Variants in GTF3C1 observed in about 807,000 individuals in gnomAD.
GTF3C1 encodes general transcription factor 3C polypeptide 1.
In GTF3C1, 57 loss-of-function variants were observed where a neutral mutation model predicts 226.7. The observed-to-expected ratio is 0.25, with a 90% CI of 0.20 to 0.31. The LOEUF (loss-of-function observed/expected upper bound fraction) is 0.31, where lower values mean the gene tolerates loss of function less well. GTF3C1 is among the 10% of genes least tolerant of loss of function. The probability of loss-of-function intolerance (pLI) is 1.00; values close to 1 mark genes in which losing one functional copy is unlikely to be tolerated. For synonymous variants in GTF3C1, 1,090 were observed against 1,084.8 expected (o/e 1.00, Z -0.09); for missense variants, 2,217 against 2,776.1 (o/e 0.80, Z 4.53).
chr16:27,488,580 T>C lies in GTF3C1; in HGVS notation c.3485A>G (p.Lys1162Arg), dbSNP rs919904043. The change falls in exon 22 of 37, where the codon AAG becomes AGG. Residue 1162 changes from lysine (K) to arginine (R), a missense_variant. Coordinates refer to ENST00000356183, the MANE Select transcript of GTF3C1 (RefSeq NM_001520.4). ...LTVRLQTFLS[K>R]RPMPLSARGN... is the part of the protein sequence containing the mutation. ...TCTGGCACTGAGGGGCATTGGGCGCTTGGACAGAAATGTCTGGAGCCTCAC... is the reference window on the plus strand; with the variant it reads ...TCTGGCACTGAGGGGCATTGGGCGCCTGGACAGAAATGTCTGGAGCCTCAC... The C allele has an allele frequency of 1.2e-6, 2 of 1,613,990 alleles. No individual in the cohort carries two copies. The highest frequency in any genetic ancestry group is 2.7e-5 in the African/African-American group (2 of 74,936).
intron 6 of GTF3C1, 58 bp from the exon 7 acceptor site, chr16:27,511,959 G>T: frequency 6.3e-7 from 1 of 1,586,498 alleles, no homozygotes; most frequent in South Asian, 1.1e-5. Context: ...GCGTGGGGGA[G>T]GTGAGGGGTT....
chr16:27,530,172 G>A lies in GTF3C1; in HGVS notation c.850-1451C>T, dbSNP rs180684925. 3.5e-4 allele frequency among the ~76,000 whole-genome samples: 53 copies of A among 152,316 alleles called. 1 individual carries two copies. Among genetic ancestry groups the A allele is most frequent in the African/African-American group, 1.1e-3 (46 of 41,560 alleles). On this transcript the variant is annotated intron_variant, in intron 5 of 36. Transcript: ENST00000356183. ...TCTGTGGGCTGCCGCCGCCACATAT[G>A]TGTGGTTACCTCCCAGGCTAACCAG...
rs1242390889 is a variant in GTF3C1 at position 27,528,705 on chromosome 16, G to A, written c.866C>T (p.Thr289Met). Residue 289 changes from threonine to methionine, a missense_variant, in exon 6 of 37, where the codon ACG becomes ATG. Around this residue, in one of 12 missense-constraint regions of GTF3C1, gnomAD observed 163 missense variants for 234.3 expected, o/e 0.70. Coordinates refer to ENST00000356183, the MANE Select transcript of GTF3C1 (RefSeq NM_001520.4). ...CATATACTGGTACAGACGCTTAAACGTCCTTTCGCACAGCCCCTGCCAAAA... is the reference window on the plus strand; with the variant it reads ...CATATACTGGTACAGACGCTTAAACATCCTTTCGCACAGCCCCTGCCAAAA... ...LREELGLCER[T>M]FKRLYQYMLN... The A allele has an allele frequency of 6.2e-7, 1 of 1,613,630 alleles. No homozygotes were observed. Among genetic ancestry groups the A allele is most frequent in the Non-Finnish European group, 8.5e-7 (1 of 1,179,528 alleles).
chr16:27,465,996 G>A lies in GTF3C1; in HGVS notation c.5075-456C>T, dbSNP rs114799261. On this transcript the variant is annotated intron_variant, in intron 32 of 36. Coordinates refer to ENST00000356183, the MANE Select transcript of GTF3C1 (RefSeq NM_001520.4). ...CCCTACTTTTGCCTACACTAGCCAGGGCTGGCTACTGTTGCTTCCTATAGA... is the reference window on the plus strand; with the variant it reads ...CCCTACTTTTGCCTACACTAGCCAGAGCTGGCTACTGTTGCTTCCTATAGA... 1,225 of 174,548 alleles carry A rather than the reference G, an allele frequency of 7.0e-3. 16 individuals carry two copies. Among genetic ancestry groups the A allele is most frequent in the African/African-American group, 0.027 (1,148 of 42,550 alleles). The allele number at this position is 174,548 out of a possible 1,614,324, so 10.8% of individuals were successfully genotyped here. A position where few individuals can be genotyped will look rare whatever the true frequency, so the allele number is the denominator to read the frequency against.
chr16:27,473,609 G>A (rs1320607044), intron 29 of GTF3C1, among the ~76,000 whole-genome samples: 1 of 152,262 alleles, frequency 6.6e-6, no homozygotes, highest in East Asian at 1.9e-4. Context: ...TCAGAGGAGA[G>A]AAGAGCAACC....
At chr16:27,542,567 G>GA (rs143747018) in intron 2 of GTF3C1, among the ~76,000 whole-genome samples, 22,092 of 135,976 alleles carry the variant, frequency 0.16, 1,646 homozygotes, top group Admixed American at 0.23. Flanking sequence ...GCCTCAAAAA[G>GA]AAAAAAAAAA....
In GTF3C1 at chr16:27,492,670, A is replaced by G; in HGVS notation, c.2920T>C (p.Tyr974His). 6.2e-7 allele frequency: 1 copy of G among 1,607,902 alleles called. No individual in the cohort carries two copies. The highest frequency in any genetic ancestry group is 1.1e-5 in the South Asian group (1 of 90,928). The change falls in exon 18 of 37, where the codon TAC (tyrosine) becomes CAC (histidine). Residue 974 changes from tyrosine to histidine, a missense_variant. Physicochemically the swap from Tyr to His is moderately conservative, Grantham distance 83. This residue lies in a region of GTF3C1 where 353 missense variants were observed against 411.7 expected (regional missense o/e 0.86). Transcript: ENST00000356183. This position sits in a 1 kb window ranked among gnomAD's most constrained non-coding sequence, Gnocchi z 5.0. ...SVVENLQRLC[Y>H]MGLLQFGPTE... ...GGACCAAACTGTAGCAGCCCCATGT[A>G]GCACAGCCTCTGAAGGTTCTCCACC... is the stretch of plus-strand genomic sequence containing the variant.
At chr16:27,547,446 C>A (rs763861784) in intron 1 of GTF3C1, among the ~76,000 whole-genome samples, 19 of 152,032 alleles carry the variant, frequency 1.2e-4, no homozygotes, top group African/African-American at 4.3e-4. Context: ...GACTCAACCC[C>A]CACGCTGTTC....
At chr16:27,509,941 C>T (rs551629084) in intron 7 of GTF3C1, among the ~76,000 whole-genome samples, 6 of 151,920 alleles carry the variant, frequency 3.9e-5, no homozygotes, top group South Asian at 2.1e-4. Context: ...TCTAGCAACA[C>T]GCTAAAAAGT....
chr16:27,522,765 A>G (rs1028646754), intron 6 of GTF3C1, among the ~76,000 whole-genome samples: 3 of 152,120 alleles, frequency 2.0e-5, no homozygotes, highest in Non-Finnish European at 2.9e-5. Context: ...ATAAATCTTA[A>G]CTTTCAGCAA....
Position 27,461,314 on chromosome 16 carries a change from G to T in GTF3C1, c.*36C>A. On this transcript the variant is annotated 3_prime_UTR_variant, in exon 37 of 37. Coordinates refer to ENST00000356183, the MANE Select transcript of GTF3C1 (RefSeq NM_001520.4). The surrounding 1 kb of genome is among the most constrained non-coding windows in gnomAD (Gnocchi z 5.3). ...GCACCAGGCAGGAGTGGTGTGGCAG[G>T]CGGTGGCTGGGAGGGAGGGGACGCC... is the stretch of plus-strand genomic sequence containing the variant. The T allele has an allele frequency of 7.3e-7, 1 of 1,360,960 alleles. No homozygotes were observed. The highest frequency in any genetic ancestry group is 1.0e-6 in the Non-Finnish European group (1 of 963,482). The allele number at this position is 1,360,960 out of a possible 1,614,324, so 84.3% of individuals were successfully genotyped here.
chr16:27,527,973 C>CAA (rs34471997), intron 6 of GTF3C1, among the ~76,000 whole-genome samples: 43 of 127,600 alleles, frequency 3.4e-4, no homozygotes, highest in Non-Finnish European at 4.0e-4. Context: ...GACCCTGTCT[C>CAA]AAAAAAAAAA....
intron 6 of GTF3C1, among the ~76,000 whole-genome samples, chr16:27,518,969 T>G (rs909714197): frequency 1.3e-5 from 2 of 152,246 alleles, no homozygotes; most frequent in African/African-American, 4.8e-5. Flanking sequence ...TCTGGTTGGC[T>G]GACTACTAGC....
intron 29 of GTF3C1, among the ~76,000 whole-genome samples, chr16:27,475,611 A>C (rs900203467): frequency 6.6e-6 from 1 of 152,096 alleles, no homozygotes; most frequent in Non-Finnish European, 1.5e-5. Context: ...CTGAACCTCA[A>C]GTGCCCACAT....
chr16:27,486,156 T>C lies in GTF3C1; in HGVS notation c.3701-2A>G. ...TGCTTTTTTCTCCTGGGAACTCTCC[T>C]AAAAACACCAGAGGGAGAAGGCAGG... On this transcript the variant is annotated splice_acceptor_variant, in intron 23 of 36. Coordinates refer to ENST00000356183, the MANE Select transcript of GTF3C1 (RefSeq NM_001520.4). LOFTEE classifies it high-confidence loss of function. The C allele has an allele frequency of 6.3e-7, 1 of 1,581,112 alleles. No individual in the cohort carries two copies. Among genetic ancestry groups the C allele is most frequent in the Non-Finnish European group, 8.7e-7 (1 of 1,153,186 alleles).
chr16:27,502,262 G>A (rs2141395579), intron 11 of GTF3C1, among the ~76,000 whole-genome samples: 1 of 152,230 alleles, frequency 6.6e-6, no homozygotes, highest in Admixed American at 6.5e-5. Flanking sequence ...AAGAAGCCAT[G>A]TCCCTGATGG....
At chr16:27,542,236 G>A (rs1247425022) in intron 2 of GTF3C1, among the ~76,000 whole-genome samples, 1 of 152,162 alleles carries the variant, frequency 6.6e-6, no homozygotes, top group African/African-American at 2.4e-5. Flanking sequence ...TTTGGATGAG[G>A]CTTGTCCACA....
chr16:27,518,736 C>T (rs1391993104), intron 6 of GTF3C1, among the ~76,000 whole-genome samples: 1 of 152,190 alleles, frequency 6.6e-6, no homozygotes, highest in Non-Finnish European at 1.5e-5. Flanking sequence ...CGTCGGGCAG[C>T]ATAGGAAGGA....
At chr16:27,522,728 C>T (rs1596651292) in intron 6 of GTF3C1, among the ~76,000 whole-genome samples, 1 of 152,218 alleles carries the variant, frequency 6.6e-6, no homozygotes, top group East Asian at 1.9e-4. Context: ...TCTTTGGATC[C>T]AGGAACCTGG....
Sources: gnomAD v4.1 joint callset for allele counts (sites outside exome capture counted in the v4.1 genomes callset) on GRCh38, gnomAD v4.1.1 for gene constraint, gnomAD v4.1.1 regional missense constraint, Gnocchi (gnomAD v3.1) non-coding constraint, MANE v1.5 for transcripts, NCBI Gene and HGNC (gene_info 2026-07-23, HGNC 2026-07-21) for gene names.